EIF4G3: variants seen among roughly 807,000 people sequenced by gnomAD.
EIF4G3 encodes the protein eukaryotic translation initiation factor 4 gamma 3.
In EIF4G3, 34 loss-of-function variants were observed where a neutral mutation model predicts 186.4. The ratio of observed to expected loss-of-function variants is 0.18; its 90% CI spans 0.14 to 0.24. The LOEUF is 0.24. Ranked by LOEUF, EIF4G3 falls within the 10% of genes least tolerant of loss-of-function variation. The pLI is 1.00. For missense variants in EIF4G3, 1,536 were observed against 1,948.5 expected (o/e 0.79, Z 3.99); for synonymous variants, 673 against 679.5 (o/e 0.99, Z 0.15).
intron 12 of EIF4G3, 115 bp downstream of exon 12, chr1:20,969,359 G>T: frequency 8.1e-7 from 1 of 1,232,844 alleles, no homozygotes; most frequent in Non-Finnish European, 1.1e-6. Context: ...GATATTCGAG[G>T]CTGCGAGACA....
intron 2 of EIF4G3, among the ~76,000 whole-genome samples, chr1:21,140,384 G>A (rs1205447701): frequency 2.0e-5 from 3 of 152,142 alleles, no homozygotes; most frequent in Non-Finnish European, 2.9e-5. Context: ...CGTGATCTCA[G>A]CTCACAGCAA....
intron 3 of EIF4G3, among the ~76,000 whole-genome samples, chr1:21,055,089 A>C (rs955284835): frequency 1.2e-4 from 18 of 152,324 alleles, no homozygotes; most frequent in African/African-American, 4.1e-4. Flanking sequence ...TCAAAGGAGA[A>C]AAGTTGGATT....
At chr1:20,879,697 A>G (rs1221284466) in intron 19 of EIF4G3, among the ~76,000 whole-genome samples, 177 bp from the exon 20 acceptor site, 2 of 152,198 alleles carry the variant, frequency 1.3e-5, no homozygotes, top group Non-Finnish European at 2.9e-5. Flanking sequence ...GTCAAAAATT[A>G]CCTTCTTTTC....
intron 3 of EIF4G3, among the ~76,000 whole-genome samples, chr1:21,057,539 C>T (rs1163117253): frequency 6.6e-6 from 1 of 151,972 alleles, no homozygotes; most frequent in Non-Finnish European, 1.5e-5. Context: ...AGTATTATTT[C>T]TGGGGAGAGA....
chr1:20,987,568 T>C (rs1041440938), intron 7 of EIF4G3, among the ~76,000 whole-genome samples: 4 of 152,222 alleles, frequency 2.6e-5, no homozygotes, highest in African/African-American at 7.2e-5. Context: ...GTTATGGTGA[T>C]GTGTGATCAC....
intron 3 of EIF4G3, among the ~76,000 whole-genome samples, chr1:21,054,275 GC>G (rs1457710817): frequency 1.3e-5 from 2 of 150,118 alleles, no homozygotes; most frequent in Admixed American, 6.7e-5. Context: ...AAGGCAGCAT[GC>G]CCGTTAAGAG....
At position 20,904,989 on chromosome 1, in the gene EIF4G3, G is replaced by C; in HGVS notation, c.1664-18C>G. 6.3e-7 allele frequency: 1 copy of C among 1,589,828 alleles called. No homozygotes were observed. The highest frequency in any genetic ancestry group is 8.6e-7 in the Non-Finnish European group (1 of 1,160,214). On this transcript the variant is annotated intron_variant, in intron 14 of 36. Transcript: ENST00000602326. ...TATTTGAGCTGAAATACAAGATCAGGCCCATTACTTGCCACTGCAAAGTCA... is the reference window on the plus strand; with the variant it reads ...TATTTGAGCTGAAATACAAGATCAGCCCCATTACTTGCCACTGCAAAGTCA...
chr1:21,165,171 AAAT>A (rs2097836280), intron 2 of EIF4G3, among the ~76,000 whole-genome samples: 1 of 152,328 alleles, frequency 6.6e-6, no homozygotes, highest in African/African-American at 2.4e-5. Flanking sequence ...TCAAAAAGAC[AAAT>A]AATGACAGGT....
chr1:21,148,794 C>A (rs932114373), intron 2 of EIF4G3, among the ~76,000 whole-genome samples: 1 of 150,428 alleles, frequency 6.6e-6, no homozygotes, highest in Non-Finnish European at 1.5e-5. Flanking sequence ...TCAAAGCCAG[C>A]CTAGGAAACA....
chr1:21,089,615 A>G (rs2096113674), intron 2 of EIF4G3, among the ~76,000 whole-genome samples: 1 of 152,164 alleles, frequency 6.6e-6, no homozygotes, highest in East Asian at 1.9e-4. Flanking sequence ...AAGCCTGGGC[A>G]ACACAGCAAG....
intron 18 of EIF4G3, among the ~76,000 whole-genome samples, chr1:20,886,666 T>C (rs918616662): frequency 1.1e-4 from 16 of 152,332 alleles, no homozygotes; most frequent in Non-Finnish European, 2.1e-4. Context: ...TATCTTTTAT[T>C]AGTTGAATAA....
At chr1:21,048,390 T>G (rs2094015140) in intron 4 of EIF4G3, among the ~76,000 whole-genome samples, 1 of 152,186 alleles carries the variant, frequency 6.6e-6, no homozygotes, top group Non-Finnish European at 1.5e-5. Flanking sequence ...ACATTTCAGC[T>G]GACACAACAT....
At chr1:20,961,899 A>G (rs1313931856) in intron 12 of EIF4G3, among the ~76,000 whole-genome samples, 1 of 152,232 alleles carries the variant, frequency 6.6e-6, no homozygotes, top group African/African-American at 2.4e-5. Context: ...CGTAGTCACC[A>G]CTAAAACAAA....
At chr1:21,101,563 A>AAAAAAAAAAAAAAAAAAAAAAAAAC in intron 2 of EIF4G3, among the ~76,000 whole-genome samples, 1 of 20,810 alleles carries the variant, frequency 4.8e-5, no homozygotes, top group Non-Finnish European at 1.4e-4. Context: ...GGGTCTCAGG[A>AAAAAAAAAAAAAAAAAAAAAAAAAC]AAAAAAAAAA....
chr1:21,086,018 C>A (rs1251059356), intron 3 of EIF4G3, among the ~76,000 whole-genome samples: 1 of 151,742 alleles, frequency 6.6e-6, no homozygotes, highest in East Asian at 1.9e-4. Context: ...AAGTGTTATT[C>A]AAAATGTTAT....
In EIF4G3 at chr1:21,094,067, G is replaced by A. The variant is rs150351158; in HGVS notation, c.-271-4854C>T. 5.2e-3 allele frequency among the ~76,000 whole-genome samples: 789 copies of A among 151,812 alleles called. 9 individuals are homozygous for A. Among genetic ancestry groups the A allele is most frequent in the African/African-American group, 0.018 (753 of 41,398 alleles). ...ATGTACACATGTAACAAACCTGCAC[G>A]TTGTGCACATGTACCCTAAAACTTA... is the stretch of plus-strand genomic sequence containing the variant. On this transcript the variant is annotated intron_variant, in intron 2 of 36. Coordinates refer to ENST00000602326, the MANE Select transcript of EIF4G3 (RefSeq NM_001391906.1).
At chr1:21,005,584 T>C (rs1222289892) in intron 4 of EIF4G3, among the ~76,000 whole-genome samples, 1 of 152,168 alleles carries the variant, frequency 6.6e-6, no homozygotes, top group African/African-American at 2.4e-5. Flanking sequence ...CTTATTTGAC[T>C]TCACTCAAAA....
intron 33 of EIF4G3, among the ~76,000 whole-genome samples, chr1:20,824,091 T>C (rs2063044017): frequency 6.6e-6 from 1 of 152,252 alleles, no homozygotes; most frequent in Admixed American, 6.5e-5. Context: ...GCCCTTCACA[T>C]GTAATTACTA....
At chr1:21,113,678 G>A (rs2096767529) in intron 2 of EIF4G3, among the ~76,000 whole-genome samples, 1 of 152,082 alleles carries the variant, frequency 6.6e-6, no homozygotes, top group Admixed American at 6.6e-5. Context: ...CTGGTGCACT[G>A]TTATACAGGT....
Sources: allele counts gnomAD v4.1 joint callset (sites outside exome capture counted in the v4.1 genomes callset), GRCh38; gene constraint gnomAD v4.1.1; transcripts MANE v1.5; gene names NCBI Gene and HGNC (gene_info 2026-07-23, HGNC 2026-07-21).